The following PTPRN2 variants were observed in gnomAD, a reference collection of about 807,000 sequenced individuals.
PTPRN2 encodes protein tyrosine phosphatase receptor type N2, also known as receptor-type tyrosine-protein phosphatase N2.
Under a neutral mutation model 118.8 loss-of-function variants are expected in PTPRN2, and 74 were observed. The ratio of observed to expected loss-of-function variants is 0.62; its 90% CI spans 0.52 to 0.76. The LOEUF (loss-of-function observed/expected upper bound fraction) is 0.76, where lower values mean the gene tolerates loss of function less well. Among genes scored for constraint, PTPRN2 ranks in the 30% least tolerant of loss-of-function variants. The pLI, the probability that PTPRN2 is intolerant of heterozygous loss-of-function variation, is 0.00. For synonymous variants in PTPRN2, 641 were observed against 608.0 expected, an observed-to-expected ratio of 1.05 and a Z score of -0.80; for missense variants, 1,481 against 1,394.4, an observed-to-expected ratio of 1.06 and a Z score of -0.99.
chr7:158,143,898 G>A (rs983507186), intron 6 of PTPRN2, among the ~76,000 whole-genome samples: 8 of 152,114 alleles, frequency 5.3e-5, no homozygotes, highest in African/African-American at 1.4e-4. Flanking sequence ...TGTAGACACC[G>A]CCTTCCTGAG....
intron 11 of PTPRN2, among the ~76,000 whole-genome samples, chr7:158,070,422 T>TGGTGCTCGTGGTGGTGGA (rs1811164503): frequency 1.0e-5 from 1 of 96,638 alleles, no homozygotes; most frequent in Non-Finnish European, 2.0e-5. Flanking sequence ...CTCGTGGTGG[T>TGGTGCTCGTGGTGGTGGA]GGTGCTCGTG....
At chr7:158,461,977 G>A (rs1482887692) in intron 2 of PTPRN2, among the ~76,000 whole-genome samples, 14 of 152,408 alleles carry the variant, frequency 9.2e-5, no homozygotes, top group African/African-American at 2.9e-4. Flanking sequence ...TGCAGGAGCC[G>A]GCGCTTGGGT....
chr7:157,834,775 A>G (rs1279325745), intron 12 of PTPRN2, among the ~76,000 whole-genome samples: 2 of 152,206 alleles, frequency 1.3e-5, no homozygotes, highest in Non-Finnish European at 2.9e-5. Flanking sequence ...GTGGGGACCC[A>G]CCTTAGGAGG....
chr7:158,301,022 C>A (rs959549360), intron 3 of PTPRN2, among the ~76,000 whole-genome samples: 1 of 152,112 alleles, frequency 6.6e-6, no homozygotes, highest in Admixed American at 6.5e-5. Flanking sequence ...AAACCAGCAA[C>A]GCACGATATA....
intron 12 of PTPRN2, among the ~76,000 whole-genome samples, chr7:157,725,529 TCACCTCCCAGGAGAACTGGATATCCACAC>T: frequency 1.1e-5 from 1 of 94,418 alleles, no homozygotes; most frequent in African/African-American, 4.8e-5. Context: ...GGCCAGACCC[TCACCTCCCAGGAGAACTGGATATCCACAC>T]GCAGAGGAGT....
chr7:158,283,332 C>A (rs1317630116), intron 3 of PTPRN2, among the ~76,000 whole-genome samples: 1 of 152,180 alleles, frequency 6.6e-6, no homozygotes, highest in African/African-American at 2.4e-5. Context: ...GGAGCAGTGA[C>A]CGAGCAGGCC....
intron 2 of PTPRN2, among the ~76,000 whole-genome samples, chr7:158,408,485 C>T (rs1409771731): frequency 6.6e-6 from 1 of 152,168 alleles, no homozygotes; most frequent in Non-Finnish European, 1.5e-5. Flanking sequence ...GGGTCCCTGC[C>T]TGTGAGAACT....
At chr7:158,293,041 C>G (rs1800223154) in intron 3 of PTPRN2, among the ~76,000 whole-genome samples, 1 of 152,032 alleles carries the variant, frequency 6.6e-6, no homozygotes, top group South Asian at 2.1e-4. Flanking sequence ...GCACTCCAGC[C>G]TGGGCAACAG....
At chr7:158,136,468 G>A (rs184149024) in intron 8 of PTPRN2, among the ~76,000 whole-genome samples, 187 bp downstream of exon 8, 23 of 152,150 alleles carry the variant, frequency 1.5e-4, no homozygotes, top group Non-Finnish European at 2.2e-4. Flanking sequence ...GAGATATTTC[G>A]TATCCAAATA....
At chr7:157,541,510 G>A (rs1018898382) in intron 22 of PTPRN2, among the ~76,000 whole-genome samples, 8 of 152,362 alleles carry the variant, frequency 5.3e-5, no homozygotes, top group Non-Finnish European at 1.0e-4. Flanking sequence ...AGGGCTTAGC[G>A]CCGGAGAGCG....
At chr7:157,699,302 G>T (rs1043026840) in intron 12 of PTPRN2, among the ~76,000 whole-genome samples, 5 of 152,172 alleles carry the variant, frequency 3.3e-5, no homozygotes, top group African/African-American at 1.2e-4. Context: ...TTTGTACCTG[G>T]ATTCTACTGA....
chr7:158,229,411 A>G (rs2335848), intron 3 of PTPRN2, among the ~76,000 whole-genome samples: 77,607 of 151,792 alleles, frequency 0.51, 21,767 homozygotes, highest in African/African-American at 0.75. Context: ...AGGAACTAGC[A>G]ATTGGCCCTA....
At chr7:157,621,654 C>T in intron 14 of PTPRN2, 145 bp from the exon 15 acceptor site, 1 of 964,240 alleles carries the variant, frequency 1.0e-6, no homozygotes, top group Non-Finnish European at 1.6e-6. Flanking sequence ...CGACGTTGTG[C>T]TACGGTGCAC....
intron 3 of PTPRN2, among the ~76,000 whole-genome samples, chr7:158,273,771 G>A (rs1798713708): frequency 1.7e-5 from 2 of 117,202 alleles, no homozygotes; most frequent in African/African-American, 3.2e-5. Context: ...AGACAGACAT[G>A]GGAGGAGCCG....
intron 5 of PTPRN2, among the ~76,000 whole-genome samples, chr7:158,175,166 C>T (rs1385165461): frequency 6.6e-6 from 1 of 152,230 alleles, no homozygotes; most frequent in Non-Finnish European, 1.5e-5. Flanking sequence ...CATCTTTTGA[C>T]CACATAACAC....
In PTPRN2 at chr7:157,650,881, G is replaced by A. The variant is rs1156902089; in HGVS notation, c.2196+5476C>T. Among the ~76,000 whole-genome samples, 4 of 152,316 alleles carry A rather than the reference G, an allele frequency of 2.6e-5. No individual in the cohort carries two copies. The East Asian group carries it at 7.7e-4, about 29-fold the overall frequency. On this transcript the variant is annotated intron_variant, in intron 14 of 22. Coordinates refer to ENST00000389418, the MANE Select transcript of PTPRN2 (RefSeq NM_002847.5). The stretch of plus-strand genomic sequence containing the variant: ...TTATCGCTAAGAACTAAGAAGCCTG[G>A]AGCCTGACAAGATCAAACAATGAGA...
intron 2 of PTPRN2, among the ~76,000 whole-genome samples, chr7:158,457,796 G>A (rs1818646428): frequency 6.7e-6 from 1 of 148,824 alleles, no homozygotes; most frequent in South Asian, 2.2e-4. Flanking sequence ...TCAGCGCACG[G>A]TGAGGGGCGT....
intron 12 of PTPRN2, among the ~76,000 whole-genome samples, chr7:157,683,810 G>A (rs1797029039): frequency 6.6e-6 from 1 of 152,130 alleles, no homozygotes; most frequent in Admixed American, 6.5e-5. Flanking sequence ...GGACGCCACA[G>A]GAAAATGGGA....
At chr7:158,307,152 C>G (rs796623767) in intron 3 of PTPRN2, among the ~76,000 whole-genome samples, 6 of 152,234 alleles carry the variant, frequency 3.9e-5, no homozygotes, top group African/African-American at 1.2e-4. Context: ...TAGGCATGAG[C>G]CACTGTGCCC....
Sources: allele counts gnomAD v4.1 joint callset (sites outside exome capture counted in the v4.1 genomes callset), GRCh38; gene constraint gnomAD v4.1.1; transcripts MANE v1.5; gene names NCBI Gene and HGNC (gene_info 2026-07-23, HGNC 2026-07-21).